The following SLC47A1 variants were observed in gnomAD, a reference collection of about 807,000 sequenced individuals.
SLC47A1 encodes solute carrier family 47 member 1.
A neutral mutation model predicts 65.8 loss-of-function variants in SLC47A1; 58 were observed. The observed-to-expected ratio is 0.88, with a 90% confidence interval of 0.71 to 1.10. SLC47A1 has a LOEUF of 1.10. Ranked by LOEUF, SLC47A1 falls within the 50% of genes least tolerant of loss-of-function variation. SLC47A1 has a pLI of 0.00. For missense variants in SLC47A1, 706 were observed against 719.2 expected (o/e 0.98, Z 0.21); for synonymous variants, 285 against 295.0 (o/e 0.97, Z 0.35).
In SLC47A1 at chr17:19,555,233, G is replaced by A. The variant is rs766403667; in HGVS notation, c.565G>A (p.Val189Ile). 53 of 1,614,054 alleles carry A rather than the reference G, an allele frequency of 3.3e-5. No homozygotes were observed. The highest frequency in any genetic ancestry group is 1.6e-4 in the Middle Eastern group (1 of 6,084). Residue 189 changes from valine (V) to isoleucine (I), a missense_variant, in exon 7 of 17, where the codon GTA becomes ATA. Physicochemically the swap from Val to Ile is conservative, Grantham distance 29 (BLOSUM62 3). Transcript: ENST00000270570. ...LNQGIVLPQI[V>I]TGVAANLVNA... The stretch of plus-strand genomic sequence containing the variant: ...CCAGGGAATTGTACTGCCCCAGATC[G>A]TAACTGGAGTTGCAGCCAACCTTGT...
intron 5 of SLC47A1, among the ~76,000 whole-genome samples, chr17:19,550,283 G>C (rs1916410368): frequency 1.3e-5 from 2 of 151,982 alleles, no homozygotes; most frequent in South Asian, 4.2e-4. Context: ...CACCACACTT[G>C]GCTAATTTTT....
chr17:19,548,002 C>T lies in SLC47A1; in HGVS notation c.324C>T (p.Asn108=). 2 of 1,613,238 alleles carry T rather than the reference C, an allele frequency of 1.2e-6. No homozygotes were observed. The highest frequency in any genetic ancestry group is 1.7e-4 in the Middle Eastern group (1 of 6,060). ...CACCCCAGACGTACGGGAGCCAGAA[C>T]CTGAAGCACGTGGGCGTGATCCTGC... is the stretch of plus-strand genomic sequence containing the variant. ...TLISQTYGSQ[N]LKHVGVILQR... The change falls in exon 4 of 17, where the codon AAC becomes AAT. Residue 108 remains asparagine (N), a synonymous_variant. Coordinates refer to ENST00000270570, the MANE Select transcript of SLC47A1 (RefSeq NM_018242.3).
intron 16 of SLC47A1, among the ~76,000 whole-genome samples, chr17:19,576,038 T>C (rs1233810146): frequency 6.6e-6 from 1 of 151,718 alleles, no homozygotes; most frequent in Non-Finnish European, 1.5e-5. Context: ...GCAGAATGAA[T>C]GGATTGGGGG....
At chr17:19,539,105 T>C (rs1916069982) in intron 1 of SLC47A1, among the ~76,000 whole-genome samples, 1 of 152,110 alleles carries the variant, frequency 6.6e-6, no homozygotes. Flanking sequence ...ACGGGGTCTC[T>C]ACAAAATGTT....
In SLC47A1 at chr17:19,548,042, G is replaced by T; in HGVS notation, c.364G>T (p.Val122Phe). The change falls in exon 4 of 17, where the codon GTC (valine) becomes TTC (phenylalanine). Residue 122 changes from valine (V) to phenylalanine (F), a missense_variant. By Grantham distance (50) the Val-to-Phe change is conservative. Coordinates refer to ENST00000270570, the MANE Select transcript of SLC47A1 (RefSeq NM_018242.3). ...VGVILQRSAL[V>F]LLLCCFPCWA... is the part of the protein sequence containing the mutation. ...CGTGATCCTGCAGCGGAGTGCGCTC[G>T]TCCTGCTCCTCTGCTGCTTCCCCTG... is the stretch of plus-strand genomic sequence containing the variant. The T allele has an allele frequency of 2.5e-6, 4 of 1,614,118 alleles. No individual in the cohort carries two copies. In the South Asian group the frequency reaches 3.3e-5, roughly 13 times the overall value.
intron 10 of SLC47A1, 63 bp from the exon 11 acceptor site, chr17:19,560,125 C>G: frequency 8.1e-7 from 1 of 1,241,958 alleles, no homozygotes; most frequent in Non-Finnish European, 1.1e-6. Context: ...GAGGCTGCTT[C>G]TCTGCACGTG....
chr17:19,536,517 G>A (rs531689490), intron 1 of SLC47A1, among the ~76,000 whole-genome samples: 3 of 152,222 alleles, frequency 2.0e-5, no homozygotes, highest in South Asian at 2.1e-4. Flanking sequence ...AAATCTCACC[G>A]CTGAGAGGTA....
chr17:19,555,681 A>G lies in SLC47A1; in HGVS notation c.730A>G (p.Thr244Ala), dbSNP rs1244710280. The G allele has an allele frequency of 1.9e-6, 3 of 1,614,198 alleles. No homozygotes were observed. The highest frequency in any genetic ancestry group is 4.5e-5 in the East Asian group (2 of 44,880). ...YILGKKLHQA[T>A]WGGWSLECLQ... ...CCTCGGGAAAAAACTGCATCAAGCT[A>G]CATGGGGAGGTAATGACTGCCCTTT... The change falls in exon 8 of 17, where the codon ACA becomes GCA. Residue 244 changes from threonine to alanine, a missense_variant. Coordinates refer to ENST00000270570, the MANE Select transcript of SLC47A1 (RefSeq NM_018242.3).
intron 6 of SLC47A1, among the ~76,000 whole-genome samples, chr17:19,554,616 C>T (rs937164681): frequency 2.6e-5 from 4 of 152,156 alleles, no homozygotes; most frequent in African/African-American, 4.8e-5. Flanking sequence ...ACTTTATCTG[C>T]GTCTGCTATT....
chr17:19,549,448 CGGGATTACAGGCT>C (rs150713125), intron 4 of SLC47A1, among the ~76,000 whole-genome samples, 174 bp from the exon 5 acceptor site: 8,105 of 152,174 alleles, frequency 0.053, 309 homozygotes, highest in East Asian at 0.18. Flanking sequence ...CTGCTTGCCT[CGGGATTACAGGCT>C]GGGATTACAG....
chr17:19,540,124 G>A (rs1423881537), intron 1 of SLC47A1, among the ~76,000 whole-genome samples: 2 of 152,178 alleles, frequency 1.3e-5, no homozygotes, highest in African/African-American at 4.8e-5. Flanking sequence ...CTGGCCTTTT[G>A]TATCCGAGAC....
chr17:19,542,837 G>T (rs1364774086), intron 2 of SLC47A1, among the ~76,000 whole-genome samples: 1 of 150,800 alleles, frequency 6.6e-6, no homozygotes. Context: ...TGTTACCCAG[G>T]CTGGAGTGCA....
At chr17:19,554,192 G>A (rs1055129845) in intron 6 of SLC47A1, among the ~76,000 whole-genome samples, 3 of 152,302 alleles carry the variant, frequency 2.0e-5, no homozygotes, top group Non-Finnish European at 2.9e-5. Context: ...ACATTTAAGC[G>A]AAATCATGGT....
In SLC47A1 at chr17:19,555,916, A is replaced by T. The variant is rs1399685265; in HGVS notation, c.853+7A>T. ...GTCGGGAGCTTCCTCAGTGGTCTGT[A>T]TGAGGATGGATGACGGGGACTGGTG... On this transcript the variant is annotated splice_region_variant and intron_variant, in intron 9 of 16. Transcript: ENST00000270570. 3 of 1,613,948 alleles carry T rather than the reference A, an allele frequency of 1.9e-6. No homozygotes were observed. In the South Asian group the frequency reaches 3.3e-5, roughly 18 times the overall value.
chr17:19,551,132 C>T (rs568363219), intron 5 of SLC47A1, among the ~76,000 whole-genome samples: 8 of 152,302 alleles, frequency 5.3e-5, no homozygotes, highest in African/African-American at 1.9e-4. Context: ...GCCTCCTTTC[C>T]ATGCCAGTGT....
intron 6 of SLC47A1, 109 bp from the exon 7 acceptor site, chr17:19,555,103 C>A: frequency 2.1e-6 from 2 of 949,184 alleles, no homozygotes; most frequent in Non-Finnish European, 3.4e-6. Flanking sequence ...CCCAGCTATG[C>A]CTGTGATACC....
chr17:19,537,235 G>A (rs1319527207), intron 1 of SLC47A1, among the ~76,000 whole-genome samples: 1 of 152,234 alleles, frequency 6.6e-6, no homozygotes, highest in Non-Finnish European at 1.5e-5. Context: ...GGACCTTCTA[G>A]GGTTACAGGG....
intron 12 of SLC47A1, among the ~76,000 whole-genome samples, chr17:19,565,612 G>A (rs1465546970): frequency 2.4e-5 from 3 of 123,228 alleles, no homozygotes; most frequent in Admixed American, 1.1e-4. Context: ...ATGGACTCTC[G>A]CTCTGTCGCC....
At chr17:19,542,594 A>G in intron 2 of SLC47A1, 100 bp downstream of exon 2, 1 of 959,504 alleles carries the variant, frequency 1.0e-6, no homozygotes, top group South Asian at 1.7e-5. Context: ...AAACCTACAC[A>G]GACTTATTCT....
Sources: gnomAD v4.1 joint callset for allele counts (sites outside exome capture counted in the v4.1 genomes callset) on GRCh38, gnomAD v4.1.1 for gene constraint, MANE v1.5 for transcripts, NCBI Gene and HGNC (gene_info 2026-07-23, HGNC 2026-07-21) for gene names.